SLIT3: variants seen among roughly 807,000 people sequenced by gnomAD.
SLIT3 encodes slit guidance ligand 3.
SLIT3 carries 68 observed loss-of-function variants against 184.0 expected under a neutral mutation model. The ratio of observed to expected loss-of-function variants is 0.37; its 90% confidence interval spans 0.30 to 0.45. The LOEUF is 0.45. SLIT3 is among the 20% of genes least tolerant of loss of function. SLIT3 has a pLI of 1.00. For synonymous variants in SLIT3, 831 were observed against 828.6 expected (o/e 1.00, Z -0.05); for missense variants, 1,707 against 2,026.0 (o/e 0.84, Z 3.02).
chr5:169,264,531 G>A (rs1766324178), intron 1 of SLIT3, among the ~76,000 whole-genome samples: 1 of 152,170 alleles, frequency 6.6e-6, no homozygotes, highest in Non-Finnish European at 1.5e-5. Context: ...GCTCACATCA[G>A]GCGGTCCTAA....
chr5:168,828,517 G>T (rs1428135836), intron 6 of SLIT3, among the ~76,000 whole-genome samples: 2 of 151,868 alleles, frequency 1.3e-5, no homozygotes, highest in Non-Finnish European at 2.9e-5. Context: ...AAAATTAGCT[G>T]GGTATGGTGG....
intron 10 of SLIT3, chr5:168,792,332 T>C (rs1756407034): frequency 6.6e-6 from 1 of 151,644 alleles, no homozygotes; most frequent in South Asian, 2.1e-4. Flanking sequence ...AGATTAAAAA[T>C]GCACTCCAGA....
chr5:169,246,285 C>T (rs972365996), intron 2 of SLIT3, among the ~76,000 whole-genome samples: 1 of 152,190 alleles, frequency 6.6e-6, no homozygotes, highest in Admixed American at 6.5e-5. Context: ...TCTATTACTT[C>T]TGGCCCCTTA....
intron 1 of SLIT3, among the ~76,000 whole-genome samples, chr5:169,290,063 TAGGACA>T (rs1767291078): frequency 6.7e-6 from 1 of 149,392 alleles, no homozygotes; most frequent in Admixed American, 6.7e-5. Context: ...GGGCACACAC[TAGGACA>T]TATGCTAGAA....
chr5:168,717,747 G>A (rs1375299141), intron 23 of SLIT3, among the ~76,000 whole-genome samples: 3 of 151,266 alleles, frequency 2.0e-5, no homozygotes, highest in Non-Finnish European at 2.9e-5. Flanking sequence ...TGCAAGTTCC[G>A]CCTCCCAGGT....
At chr5:169,219,211 G>C (rs900109716) in intron 3 of SLIT3, among the ~76,000 whole-genome samples, 1 of 152,190 alleles carries the variant, frequency 6.6e-6, no homozygotes, top group African/African-American at 2.4e-5. Flanking sequence ...GGAGACGACT[G>C]TCCCACCTCC....
intron 6 of SLIT3, among the ~76,000 whole-genome samples, chr5:168,827,042 G>A (rs773342856): frequency 6.6e-6 from 1 of 152,216 alleles, no homozygotes; most frequent in Non-Finnish European, 1.5e-5. Context: ...GGGATTACAG[G>A]TGTGAGCCAC....
chr5:169,148,993 C>G (rs948122130), intron 4 of SLIT3, among the ~76,000 whole-genome samples: 1 of 152,178 alleles, frequency 6.6e-6, no homozygotes, highest in Non-Finnish European at 1.5e-5. Context: ...TATCGTTATT[C>G]CCATTTTATA....
Position 168,696,314 on chromosome 5 carries a change from A to G in SLIT3, c.3060T>C (p.Cys1020=), listed in dbSNP as rs1168756678. The G allele has an allele frequency of 2.5e-6, 4 of 1,614,158 alleles. No homozygotes were observed. The highest frequency in any genetic ancestry group is 8.5e-7 in the Non-Finnish European group (1 of 1,180,018). Residue 1020 remains cysteine (C), a synonymous_variant, in exon 28 of 36, where the codon TGT becomes TGC. Coordinates refer to ENST00000519560, the MANE Select transcript of SLIT3 (RefSeq NM_003062.4). ...TCVDGINNYV[C]ICPPNYTGEL... ...TACCTGTGTAGTTAGGCGGACAGAT[A>G]CACACGTAGTTGTTGATCCCGTCCA...
intron 4 of SLIT3, among the ~76,000 whole-genome samples, chr5:169,049,270 T>G (rs955679163): frequency 2.6e-5 from 4 of 152,156 alleles, no homozygotes; most frequent in African/African-American, 9.7e-5. Flanking sequence ...ACATCTAATG[T>G]GTGATCTAAG....
At chr5:168,794,929 C>T (rs765486695) in intron 10 of SLIT3, among the ~76,000 whole-genome samples, 5 of 152,198 alleles carry the variant, frequency 3.3e-5, no homozygotes, top group Middle Eastern at 3.4e-3. Context: ...TAAAAGACAC[C>T]CTCCCACCAT....
At chr5:168,968,441 T>C (rs1034650401) in intron 4 of SLIT3, among the ~76,000 whole-genome samples, 6 of 152,222 alleles carry the variant, frequency 3.9e-5, no homozygotes, top group African/African-American at 1.4e-4. Context: ...CACTCTTCAC[T>C]GCCATCATTG....
At chr5:169,122,129 A>C (rs781767225) in intron 4 of SLIT3, among the ~76,000 whole-genome samples, 1 of 152,204 alleles carries the variant, frequency 6.6e-6, no homozygotes, top group African/African-American at 2.4e-5. Flanking sequence ...ATTCCATTTC[A>C]CTAGGGCCTA....
intron 20 of SLIT3, among the ~76,000 whole-genome samples, chr5:168,738,122 G>A (rs566905518): frequency 2.0e-5 from 3 of 152,294 alleles, no homozygotes; most frequent in Admixed American, 1.3e-4. Context: ...CATAGACCCC[G>A]GGGGTCCCTG....
intron 6 of SLIT3, among the ~76,000 whole-genome samples, chr5:168,833,464 A>G (rs1469510240): frequency 6.6e-6 from 1 of 152,148 alleles, no homozygotes; most frequent in East Asian, 1.9e-4. Flanking sequence ...CCAGGGATCA[A>G]TGATGTGGAA....
chr5:169,070,117 G>A (rs1013662667), intron 4 of SLIT3, among the ~76,000 whole-genome samples: 2 of 152,184 alleles, frequency 1.3e-5, no homozygotes, highest in African/African-American at 4.8e-5. Context: ...GGAAGGTTGA[G>A]CAGAATCCTA....
At position 168,844,655 on chromosome 5, in the gene SLIT3, C is replaced by G; in HGVS notation, c.486G>C (p.Leu162=). 6.2e-7 allele frequency: 1 copy of G among 1,614,132 alleles called. No individual in the cohort carries two copies. Among genetic ancestry groups the G allele is most frequent in the Non-Finnish European group, 8.5e-7 (1 of 1,180,014 alleles). The part of the protein sequence containing the change: ...AFRGITDVKN[L]QLDNNHISCI... ...AGCTGATGTGGTTGTTGTCCAGTTG[C>G]CTGTGGAAAAGCAGGGGAGAGCATG... Residue 162 remains leucine (L), a splice_region_variant and synonymous_variant, in exon 6 of 36, where the codon CTG becomes CTC. Transcript: ENST00000519560.
At chr5:169,061,407 A>G (rs1251923896) in intron 4 of SLIT3, among the ~76,000 whole-genome samples, 1 of 152,168 alleles carries the variant, frequency 6.6e-6, no homozygotes, top group Non-Finnish European at 1.5e-5. Context: ...TTCACTCTTC[A>G]TAATTCTCCC....
chr5:168,795,628 G>A (rs1173746598), intron 9 of SLIT3, 50 bp from the exon 10 acceptor site: 1 of 1,448,936 alleles, frequency 6.9e-7, no homozygotes, highest in Non-Finnish European at 9.7e-7. Context: ...CTGTCAACAA[G>A]TGGTCACTGA....
Sources: gnomAD v4.1 joint callset for allele counts (sites outside exome capture counted in the v4.1 genomes callset) on GRCh38, gnomAD v4.1.1 for gene constraint, MANE v1.5 for transcripts, NCBI Gene and HGNC (gene_info 2026-07-23, HGNC 2026-07-21) for gene names.